TSPAN18: variants seen among roughly 807,000 people sequenced by gnomAD.
TSPAN18 encodes the protein tetraspanin 18, also known as tetraspanin-18.
A neutral mutation model predicts 27.3 loss-of-function variants in TSPAN18; 14 were observed. That is an observed-to-expected ratio of 0.51 (90% confidence interval 0.34 to 0.80). TSPAN18 has a LOEUF of 0.80. Ranked by LOEUF, TSPAN18 falls within the 30% of genes least tolerant of loss-of-function variation. The pLI is 0.01. For missense variants in TSPAN18, 268 were observed against 323.9 expected, an observed-to-expected ratio of 0.83 and a Z score of 1.32; for synonymous variants, 143 against 136.5, an observed-to-expected ratio of 1.05 and a Z score of -0.33.
chr11:44,888,922 A>G (rs1274168178), intron 3 of TSPAN18, among the ~76,000 whole-genome samples: 2 of 152,176 alleles, frequency 1.3e-5, no homozygotes, highest in Non-Finnish European at 2.9e-5. Context: ...GAGGAAAGTA[A>G]TTGGATTATG....
At chr11:44,891,302 G>C (rs1231045516) in intron 3 of TSPAN18, among the ~76,000 whole-genome samples, 1 of 152,222 alleles carries the variant, frequency 6.6e-6, no homozygotes. Context: ...AGAGATCCTT[G>C]CTAAGGGGCT....
At chr11:44,835,758 A>G (rs1167209618) in intron 2 of TSPAN18, among the ~76,000 whole-genome samples, 7 of 152,170 alleles carry the variant, frequency 4.6e-5, no homozygotes. Context: ...CATAGAGCAA[A>G]TCTATCAGCA....
intron 7 of TSPAN18, 136 bp downstream of exon 7, chr11:44,919,448 G>T (rs534277947): frequency 3.8e-6 from 3 of 780,372 alleles, no homozygotes; most frequent in Non-Finnish European, 6.5e-6. Context: ...CACCATCCAC[G>T]CAGCATTCCA....
intron 2 of TSPAN18, among the ~76,000 whole-genome samples, chr11:44,766,996 C>A (rs1296188030): frequency 6.6e-6 from 1 of 152,146 alleles, no homozygotes; most frequent in Non-Finnish European, 1.5e-5. Flanking sequence ...CAATGGCAGC[C>A]CCCTTGGAAT....
At chr11:44,884,459 G>A (rs1858582432) in intron 3 of TSPAN18, among the ~76,000 whole-genome samples, 1 of 152,220 alleles carries the variant, frequency 6.6e-6, no homozygotes, top group Admixed American at 6.5e-5. Flanking sequence ...CAGGCCCCTG[G>A]CCTCGATGGG....
At chr11:44,796,066 C>T (rs1856342446) in intron 2 of TSPAN18, among the ~76,000 whole-genome samples, 2 of 152,140 alleles carry the variant, frequency 1.3e-5, no homozygotes, top group African/African-American at 2.4e-5. Context: ...CACATCATGA[C>T]TGCATCTCAC....
intron 2 of TSPAN18, among the ~76,000 whole-genome samples, chr11:44,792,816 G>A (rs1338581055): frequency 6.6e-6 from 1 of 152,228 alleles, no homozygotes; most frequent in African/African-American, 2.4e-5. Flanking sequence ...CCAAGGCCAA[G>A]AGGTGGGAGA....
At chr11:44,862,041 A>G (rs61880643) in intron 3 of TSPAN18, among the ~76,000 whole-genome samples, 84,751 of 151,728 alleles carry the variant, frequency 0.56, 24,380 homozygotes, top group African/African-American at 0.66. Flanking sequence ...TTCATGGCTG[A>G]GGGGAGTTTC....
chr11:44,887,846 C>T (rs897974249), intron 3 of TSPAN18, among the ~76,000 whole-genome samples: 3 of 152,178 alleles, frequency 2.0e-5, no homozygotes, highest in Non-Finnish European at 2.9e-5. Context: ...GTGCCCTTTC[C>T]CTCCTAGTTC....
intron 2 of TSPAN18, among the ~76,000 whole-genome samples, chr11:44,824,525 G>C (rs929242243): frequency 6.6e-6 from 1 of 152,188 alleles, no homozygotes; most frequent in Non-Finnish European, 1.5e-5. Context: ...ATACCTCTGG[G>C]GCAGTCAGGG....
intron 2 of TSPAN18, among the ~76,000 whole-genome samples, chr11:44,770,603 T>A (rs1855669408): frequency 6.6e-6 from 1 of 152,118 alleles, no homozygotes; most frequent in Non-Finnish European, 1.5e-5. Context: ...GACTCTAAGT[T>A]TGGCAGGAAG....
chr11:44,792,181 T>C (rs1856241121), intron 2 of TSPAN18, among the ~76,000 whole-genome samples: 1 of 152,266 alleles, frequency 6.6e-6, no homozygotes, highest in African/African-American at 2.4e-5. Flanking sequence ...TATATATATC[T>C]ACATAATAGT....
chr11:44,815,589 C>G (rs1053432655), intron 2 of TSPAN18, among the ~76,000 whole-genome samples: 2 of 152,198 alleles, frequency 1.3e-5, no homozygotes, highest in Admixed American at 6.5e-5. Context: ...TATTGAGCAC[C>G]TACCCTGTGC....
chr11:44,826,147 A>G (rs1034891625), intron 2 of TSPAN18, among the ~76,000 whole-genome samples: 1 of 152,226 alleles, frequency 6.6e-6, no homozygotes, highest in Non-Finnish European at 1.5e-5. Context: ...GAAGGGCCGG[A>G]CGTGGTGGCT....
At chr11:44,836,753 C>G (rs1857272531) in intron 2 of TSPAN18, among the ~76,000 whole-genome samples, 1 of 152,134 alleles carries the variant, frequency 6.6e-6, no homozygotes, top group African/African-American at 2.4e-5. Context: ...GCTCATTTAC[C>G]ATTTTGAAAA....
chr11:44,886,467 G>A (rs879792886), intron 3 of TSPAN18: 3 of 152,246 alleles, frequency 2.0e-5, no homozygotes, highest in Admixed American at 6.5e-5. Flanking sequence ...ACTTCTCTGG[G>A]CACCACTCCT....
At position 44,906,253 on chromosome 11, in the gene TSPAN18, C is replaced by T. The variant is rs149967656; in HGVS notation, c.-10-154C>T. On this transcript the variant is annotated intron_variant, in intron 3 of 9. Transcript: ENST00000520358. ...GAGCCAAGGCTGAAACCCAGGCAGG[C>T]TGGCTCCAGCATGCTCATCTCTATC... 3.4e-3 allele frequency among the ~76,000 whole-genome samples: 511 copies of T among 152,352 alleles called. 4 individuals carry two copies. Among genetic ancestry groups the T allele is most frequent in the African/African-American group, 0.011 (473 of 41,574 alleles).
intron 4 of TSPAN18, among the ~76,000 whole-genome samples, chr11:44,909,023 G>A (rs1859610329): frequency 6.6e-6 from 1 of 152,094 alleles, no homozygotes; most frequent in Non-Finnish European, 1.5e-5. Context: ...AGACTACGCT[G>A]CCTCTTTCCA....
At position 44,859,943 on chromosome 11, in the gene TSPAN18, T is replaced by G. The variant is rs1857832929; in HGVS notation, c.-152-385T>G. ...TTTTCACACGAGGAAGAAACTTCTC[T>G]CCAATCTGCTTGGACTCATGGACTT... is the stretch of plus-strand genomic sequence containing the variant. On this transcript the variant is annotated intron_variant, in intron 2 of 9. Coordinates refer to ENST00000520358, the MANE Select transcript of TSPAN18 (RefSeq NM_130783.5). 2.6e-5 allele frequency among the ~76,000 whole-genome samples: 4 copies of G among 152,316 alleles called. 1 individual carries two copies. The South Asian group carries it at 8.3e-4, about 32-fold the overall frequency.
Sources: allele counts gnomAD v4.1 joint callset (sites outside exome capture counted in the v4.1 genomes callset), GRCh38; gene constraint gnomAD v4.1.1; transcripts MANE v1.5; gene names NCBI Gene and HGNC (gene_info 2026-07-23, HGNC 2026-07-21).